ZNF880: variants seen among roughly 807,000 people sequenced by gnomAD.
The protein encoded by ZNF880 is zinc finger protein 880.
Under a neutral mutation model 11.8 loss-of-function variants are expected in ZNF880, and 12 were observed. That is an observed-to-expected ratio of 1.02 (90% CI 0.65 to 1.65). The LOEUF (loss-of-function observed/expected upper bound fraction) is 1.65, where lower values mean the gene tolerates loss of function less well. Among genes scored for constraint, ZNF880 ranks in the 40% most tolerant of loss-of-function variants. The probability of loss-of-function intolerance (pLI) is 0.00; values close to 1 mark genes in which losing one functional copy is unlikely to be tolerated. For synonymous variants in ZNF880, 210 were observed against 232.4 expected (o/e 0.90, Z 0.88); for missense variants, 601 against 673.9 (o/e 0.89, Z 1.20).
rs1986779398 is a variant in ZNF880, at chr19:52,384,052, TTAAA to T, written c.479_482del (p.Lys160ThrfsTer19). On this transcript the variant is annotated frameshift_variant, in exon 4 of 4. Transcript: ENST00000422689. LOFTEE classifies it low-confidence loss of function (END_TRUNC). ...TTATTCTAGTGTCAAATCCCACATTTTAAATAAATACAGAAATGATTTTGATGAT... is the reference window on the plus strand; with the variant it reads ...TTATTCTAGTGTCAAATCCCACATTTTAAATACAGAAATGATTTTGATGAT... The T allele has an allele frequency of 9.0e-6, 14 of 1,563,036 alleles. No homozygotes were observed. The highest frequency in any genetic ancestry group is 1.2e-5 in the Non-Finnish European group (14 of 1,153,464).
upstream of ZNF880, among the ~76,000 whole-genome samples, chr19:52,369,448 TAAAC>T (rs996873136): frequency 6.6e-6 from 1 of 151,820 alleles, no homozygotes; most frequent in Non-Finnish European, 1.5e-5. Context: ...ATCCCCTTCA[TAAAC>T]AATTCAAGGA....
intron 2 of ZNF880, among the ~76,000 whole-genome samples, chr19:52,373,669 A>ATTCTTTTTT (rs1986461292): frequency 1.9e-5 from 2 of 102,578 alleles, no homozygotes; most frequent in Admixed American, 1.2e-4. Flanking sequence ...AAATACTGTA[A>ATTCTTTTTT]TTTTTTTTTT....
chr19:52,377,926 A>G (rs141430043), intron 3 of ZNF880, among the ~76,000 whole-genome samples: 10 of 152,206 alleles, frequency 6.6e-5, no homozygotes, highest in Non-Finnish European at 1.2e-4. Context: ...GCTCACTGCA[A>G]TCTCCGCCTC....
Position 52,385,563 on chromosome 19 carries a change from A to G in ZNF880, c.*249A>G, listed in dbSNP as rs1019527298. The G allele has an allele frequency of 6.7e-6, 3 of 449,640 alleles. 1 individual carries two copies. The highest frequency in any genetic ancestry group is 6.4e-5 in the African/African-American group (3 of 47,102). 27.9% of individuals were successfully genotyped at this position (449,640 alleles called of 1,614,324 possible). A position where few individuals can be genotyped will look rare whatever the true frequency, so the allele number is the denominator to read the frequency against. ...ATGAAACCATACAGATGGATTATGT[A>G]TGCTGAGGCTATTATTCAAGGACCA... On this transcript the variant is annotated 3_prime_UTR_variant, in exon 4 of 4. Transcript: ENST00000422689.
intron 3 of ZNF880, among the ~76,000 whole-genome samples, chr19:52,381,028 T>C (rs753306979): frequency 6.6e-6 from 1 of 152,234 alleles, no homozygotes; most frequent in Non-Finnish European, 1.5e-5. Context: ...TTTTCAAAAC[T>C]GGAATATTGA....
intron 3 of ZNF880, among the ~76,000 whole-genome samples, chr19:52,375,158 G>T (rs866986991): frequency 2.9e-4 from 41 of 143,082 alleles, no homozygotes; most frequent in South Asian, 1.4e-3. Context: ...ACTAGTATTG[G>T]TTTTTTTTTT....
upstream of ZNF880, chr19:52,367,081 T>G (rs191891644): frequency 1.2e-3 from 368 of 314,560 alleles, 2 homozygotes; most frequent in Middle Eastern, 4.4e-3. Context: ...AGAATGTACA[T>G]ACTTCTCATG....
chr19:52,369,217 C>T (rs574438216), upstream of ZNF880, among the ~76,000 whole-genome samples: 3 of 151,626 alleles, frequency 2.0e-5, no homozygotes, highest in South Asian at 6.3e-4. Flanking sequence ...AAAAAAGTAG[C>T]CCGGTGTGGT....
chr19:52,387,151 G>T (rs1986906710), downstream of ZNF880, among the ~76,000 whole-genome samples: 1 of 144,630 alleles, frequency 6.9e-6, no homozygotes, highest in South Asian at 2.2e-4. Context: ...TCTAACTTTA[G>T]TGTAAAATAG....
intron 3 of ZNF880, among the ~76,000 whole-genome samples, chr19:52,380,382 AT>A: frequency 6.6e-6 from 1 of 151,698 alleles, no homozygotes; most frequent in South Asian, 2.1e-4. Context: ...TTTTCCAATG[AT>A]TAGTGGTATT....
chr19:52,385,502 CTGCCAAA>C lies in ZNF880; in HGVS notation c.*191_*197del. The C allele has an allele frequency of 1.5e-6, 1 of 646,842 alleles. No homozygotes were observed. The highest frequency in any genetic ancestry group is 2.6e-6 in the Non-Finnish European group (1 of 388,154). The allele number at this position is 646,842 out of a possible 1,614,324, so 40.1% of individuals were successfully genotyped here. ...GTATGTGAATCAGGTCTCTTGAGGC[CTGCCAAA>C]TGACTAGATATCAAAACATACATCT... On this transcript the variant is annotated 3_prime_UTR_variant, in exon 4 of 4. Transcript: ENST00000422689.
At chr19:52,376,509 C>CTTTTTT (rs869288387) in intron 3 of ZNF880, among the ~76,000 whole-genome samples, 940 of 58,288 alleles carry the variant, frequency 0.016, 110 homozygotes, top group African/African-American at 0.051. Flanking sequence ...CCCCCCCCCC[C>CTTTTTT]TTTTTTTTTT....
Position 52,385,468 on chromosome 19 carries a change from CAT to C in ZNF880, c.*156_*157del. 1.1e-6 allele frequency: 1 copy of C among 901,342 alleles called. No individual in the cohort carries two copies. 55.8% of individuals were successfully genotyped at this position (901,342 alleles called of 1,614,324 possible). A position where few individuals can be genotyped will look rare whatever the true frequency, so the allele number is the denominator to read the frequency against. The stretch of plus-strand genomic sequence containing the variant: ...CAGAGATTCCATACTAAAGAGAAAT[CAT>C]AGCAATGTATGTGAATCAGGTCTCT... On this transcript the variant is annotated 3_prime_UTR_variant, in exon 4 of 4. Transcript: ENST00000422689.
At chr19:52,382,065 G>A (rs910094111) in intron 3 of ZNF880, among the ~76,000 whole-genome samples, 1 of 152,094 alleles carries the variant, frequency 6.6e-6, no homozygotes, top group Non-Finnish European at 1.5e-5. Context: ...CCTGAGGTCA[G>A]GAGTTTGAGA....
chr19:52,373,353 G>T (rs1412060135), intron 2 of ZNF880, 116 bp downstream of exon 2: 13 of 1,083,200 alleles, frequency 1.2e-5, no homozygotes, highest in South Asian at 6.5e-5. Flanking sequence ...TTGAAACCCT[G>T]TTGACTCAGA....
rs3170100 is a variant in ZNF880, at chr19:52,385,367, T to G, written c.*53T>G. ...AATTCACACCTTGCACAGCATGAGATAATTCATTCATGAGAGAGTTCTTAC... is the reference window on the plus strand; with the variant it reads ...AATTCACACCTTGCACAGCATGAGAGAATTCATTCATGAGAGAGTTCTTAC... On this transcript the variant is annotated 3_prime_UTR_variant, in exon 4 of 4. Coordinates refer to ENST00000422689, the MANE Select transcript of ZNF880 (RefSeq NM_001145434.2). 0.39 allele frequency: 594,176 copies of G among 1,518,232 alleles called. 117,664 individuals carry two copies. Among genetic ancestry groups the G allele is most frequent in the South Asian group, 0.53 (42,118 of 80,170 alleles). 94.0% of individuals were successfully genotyped at this position (1,518,232 alleles called of 1,614,324 possible). A position where few individuals can be genotyped will look rare whatever the true frequency, so the allele number is the denominator to read the frequency against.
intron 3 of ZNF880, among the ~76,000 whole-genome samples, chr19:52,381,726 C>T (rs1003307977): frequency 4.6e-5 from 7 of 152,048 alleles, no homozygotes; most frequent in African/African-American, 1.7e-4. Context: ...ACTTGAATCC[C>T]ATCTCTTGTG....
the ZNF880 span, among the ~76,000 whole-genome samples, chr19:52,394,594 T>C: frequency 6.6e-6 from 1 of 152,114 alleles, no homozygotes; most frequent in East Asian, 2.0e-4. Flanking sequence ...TACATTTTTC[T>C]TGTTCTAGAG....
upstream of ZNF880, chr19:52,369,904 G>A (rs564912297): frequency 5.2e-6 from 8 of 1,550,684 alleles, no homozygotes; most frequent in African/African-American, 1.1e-4. Context: ...GCCTCGCCTC[G>A]CCTCTCAGCT....
Sources: allele counts gnomAD v4.1 joint callset (sites outside exome capture counted in the v4.1 genomes callset), GRCh38; gene constraint gnomAD v4.1.1; transcripts MANE v1.5; gene names NCBI Gene and HGNC (gene_info 2026-07-23, HGNC 2026-07-21).